Variants in NPR2 observed in about 807,000 individuals in gnomAD.
NPR2 encodes natriuretic peptide receptor 2.
Under a neutral mutation model 120.7 loss-of-function variants are expected in NPR2, and 49 were observed. The ratio of observed to expected loss-of-function variants is 0.41; its 90% CI spans 0.32 to 0.52. The LOEUF is 0.52. Among genes scored for constraint, NPR2 ranks in the 20% least tolerant of loss-of-function variants. The pLI, the probability that NPR2 is intolerant of heterozygous loss-of-function variation, is 0.36. For synonymous variants in NPR2, 484 were observed against 519.8 expected, an observed-to-expected ratio of 0.93 and a Z score of 0.94; for missense variants, 931 against 1,362.9, an observed-to-expected ratio of 0.68 and a Z score of 4.99.
chr9:35,806,351 CAGAATCTTA>C lies in NPR2; in HGVS notation c.2373-40_2373-32del. The C allele has an allele frequency of 6.2e-7, 1 of 1,612,720 alleles. No homozygotes were observed. The highest frequency in any genetic ancestry group is 1.3e-5 in the African/African-American group (1 of 74,966). On this transcript the variant is annotated intron_variant, in intron 15 of 21. Transcript: ENST00000342694. This position sits in a 1 kb window ranked among gnomAD's most constrained non-coding sequence, Gnocchi z 4.6. ...TTGGATAGGAAGTCCTGGGAATCTT[CAGAATCTTA>C]GAGCAAGTGCCTTATCCTGGCCTCC...
chr9:35,793,446 C>T (rs772028305), intron 1 of NPR2, among the ~76,000 whole-genome samples: 3 of 152,116 alleles, frequency 2.0e-5, no homozygotes, highest in Non-Finnish European at 2.9e-5. Context: ...CCAGACTGGG[C>T]GCCAAGACCC....
rs185890146 is a variant in NPR2, at chr9:35,808,387, T to C, written c.2713-122T>C. Reference sequence around the variant, plus strand: ...CAGGACCATGGCACTTATTTTCTAGTCAATATTCTGGTCTCCAGCATGTCA... The same window carrying C: ...CAGGACCATGGCACTTATTTTCTAGCCAATATTCTGGTCTCCAGCATGTCA... On this transcript the variant is annotated intron_variant, in intron 18 of 21. Transcript: ENST00000342694. This position sits in a 1 kb window ranked among gnomAD's most constrained non-coding sequence, Gnocchi z 4.0. 2.9e-6 allele frequency: 4 copies of C among 1,400,014 alleles called. No homozygotes were observed. In the African/African-American group the frequency reaches 5.7e-5, roughly 20 times the overall value. 86.7% of individuals were successfully genotyped at this position (1,400,014 alleles called of 1,614,324 possible). A position where few individuals can be genotyped will look rare whatever the true frequency, so the allele number is the denominator to read the frequency against.
At chr9:35,803,593 A>G (rs544991518) in intron 12 of NPR2, among the ~76,000 whole-genome samples, 1 of 152,356 alleles carries the variant, frequency 6.6e-6, no homozygotes, top group Non-Finnish European at 1.5e-5. Flanking sequence ...GATTGTACTA[A>G]AAACCTTTGG....
At position 35,806,922 on chromosome 9, in the gene NPR2, T is replaced by C; in HGVS notation, c.2520-101T>C. ...CCCTCCCACCTGAAAAGCCTAGCTTTCTTGTTACAGCTCATCTCTGCTGCA... is the reference window on the plus strand; with the variant it reads ...CCCTCCCACCTGAAAAGCCTAGCTTCCTTGTTACAGCTCATCTCTGCTGCA... On this transcript the variant is annotated intron_variant, in intron 16 of 21. Coordinates refer to ENST00000342694, the MANE Select transcript of NPR2 (RefSeq NM_003995.4). The surrounding 1 kb of genome is among the most constrained non-coding windows in gnomAD (Gnocchi z 4.6). 3 of 1,356,766 alleles carry C rather than the reference T, an allele frequency of 2.2e-6. No individual in the cohort carries two copies. Among genetic ancestry groups the C allele is most frequent in the Non-Finnish European group, 3.1e-6 (3 of 961,966 alleles). 84.0% of individuals were successfully genotyped at this position (1,356,766 alleles called of 1,614,324 possible).
chr9:35,806,134 A>G lies in NPR2; in HGVS notation c.2273A>G (p.Asn758Ser). ...CCAAGCATTGACCGGACCCAACTGA[A>G]TGAAGAGCTAGTTTTGCTGATGGAG... ...FRPSIDRTQL[N>S]EELVLLMERC... Residue 758 changes from asparagine (N) to serine (S), a missense_variant, in exon 15 of 22, where the codon AAT (asparagine) becomes AGT (serine). Physicochemically the swap from Asn to Ser is conservative, Grantham distance 46. Transcript: ENST00000342694. The surrounding 1 kb of genome is among the most constrained non-coding windows in gnomAD (Gnocchi z 4.6). 6.2e-7 allele frequency: 1 copy of G among 1,614,196 alleles called. No individual in the cohort carries two copies. The highest frequency in any genetic ancestry group is 1.1e-5 in the South Asian group (1 of 91,088).
rs1563995400 is a variant in NPR2 at position 35,809,638 on chromosome 9, G to A, written c.*193G>A. On this transcript the variant is annotated 3_prime_UTR_variant, in exon 22 of 22. Transcript: ENST00000342694. This position sits in a 1 kb window ranked among gnomAD's most constrained non-coding sequence, Gnocchi z 4.1. The stretch of plus-strand genomic sequence containing the variant: ...ACATATACCTGTCCCTCTCTGGCTT[G>A]GTCCCCTTCCTCCCTACTTTCTGTA... 3.6e-6 allele frequency: 4 copies of A among 1,115,366 alleles called. No individual in the cohort carries two copies. In the South Asian group the frequency reaches 5.0e-5, roughly 14 times the overall value. 69.1% of individuals were successfully genotyped at this position (1,115,366 alleles called of 1,614,324 possible).
rs1828363488 is a variant in NPR2, at chr9:35,806,029, A to T, written c.2204-36A>T. The T allele has an allele frequency of 7.4e-6, 12 of 1,613,990 alleles. No homozygotes were observed. The highest frequency in any genetic ancestry group is 1.7e-5 in the Admixed American group (1 of 60,006). Reference sequence around the variant, plus strand: ...CCCACAGCCTCTTCTTCCTGGGGGAACTCTGTTCTTCATCCAAACCTTTGA... The same window carrying T: ...CCCACAGCCTCTTCTTCCTGGGGGATCTCTGTTCTTCATCCAAACCTTTGA... On this transcript the variant is annotated intron_variant, in intron 14 of 21. Transcript: ENST00000342694. This position sits in a 1 kb window ranked among gnomAD's most constrained non-coding sequence, Gnocchi z 4.6.
intron 1 of NPR2, among the ~76,000 whole-genome samples, chr9:35,793,461 G>T (rs1403029790): frequency 1.3e-5 from 2 of 152,134 alleles, no homozygotes; most frequent in African/African-American, 4.8e-5. Context: ...AGACCCCTTG[G>T]TGGTGTAAAA....
In NPR2 at chr9:35,792,193, T is replaced by A; in HGVS notation, c.-216T>A. ...CGTTCTCAGTCCTCAGTCCTTGCCC[T>A]AGGCTGGTAGCCCACTCCTTGCCCG... On this transcript the variant is annotated 5_prime_UTR_variant, in exon 1 of 22. Transcript: ENST00000342694. 13 of 350,806 alleles carry A rather than the reference T, an allele frequency of 3.7e-5. No individual in the cohort carries two copies. Among genetic ancestry groups the A allele is most frequent in the Non-Finnish European group, 4.8e-5 (9 of 187,952 alleles). 21.7% of individuals were successfully genotyped at this position (350,806 alleles called of 1,614,324 possible).
intron 3 of NPR2, 130 bp from the exon 4 acceptor site, chr9:35,799,892 G>T (rs1828079435): frequency 6.8e-7 from 1 of 1,463,706 alleles, no homozygotes. Context: ...AGTTAGGAAG[G>T]GATGGCACTT....
In NPR2 at chr9:35,801,149, T is replaced by A. The variant is rs753763618; in HGVS notation, c.1431T>A (p.Ile477=). Residue 477 remains isoleucine (I), a synonymous_variant, in exon 7 of 22, where the codon ATT becomes ATA. Transcript: ENST00000342694. ...FIMFGVSSFL[I]FRKLMLEKEL... ...TGTTTGGTGTTTCCAGCTTCCTAAT[T>A]TTCCGGTGAGTTCTGGGTTTCTTGC... is the stretch of plus-strand genomic sequence containing the variant. 1.9e-6 allele frequency: 3 copies of A among 1,613,340 alleles called. No homozygotes were observed. The highest frequency in any genetic ancestry group is 2.5e-6 in the Non-Finnish European group (3 of 1,179,236).
Position 35,808,226 on chromosome 9 carries a change from G to A in NPR2, c.2713-283G>A, listed in dbSNP as rs774490885. The A allele has an allele frequency of 6.2e-7, 1 of 1,614,122 alleles. No individual in the cohort carries two copies. The highest frequency in any genetic ancestry group is 2.2e-5 in the East Asian group (1 of 44,882). On this transcript the variant is annotated intron_variant, in intron 18 of 21. Transcript: ENST00000342694. This position sits in a 1 kb window ranked among gnomAD's most constrained non-coding sequence, Gnocchi z 4.0. ...GTTTTCTTGCTTCCCATTTCCTGATGGCAGAGCCTATTTGTCCATGTCCTG... is the reference window on the plus strand; with the variant it reads ...GTTTTCTTGCTTCCCATTTCCTGATAGCAGAGCCTATTTGTCCATGTCCTG...
At position 35,806,263 on chromosome 9, in the gene NPR2, C is replaced by A; in HGVS notation, c.2372+30C>A. 6.2e-7 allele frequency: 1 copy of A among 1,613,790 alleles called. No homozygotes were observed. The highest frequency in any genetic ancestry group is 1.1e-5 in the South Asian group (1 of 91,072). ...GAGGGCATTATGGGGCAGGGGCTTC[C>A]CAGGGATAGAAGACTCATTAGTCCT... is the stretch of plus-strand genomic sequence containing the variant. On this transcript the variant is annotated intron_variant, in intron 15 of 21. Coordinates refer to ENST00000342694, the MANE Select transcript of NPR2 (RefSeq NM_003995.4). This position sits in a 1 kb window ranked among gnomAD's most constrained non-coding sequence, Gnocchi z 4.6.
At chr9:35,793,438 A>G (rs1348990743) in intron 1 of NPR2, among the ~76,000 whole-genome samples, 1 of 152,218 alleles carries the variant, frequency 6.6e-6, no homozygotes, top group Admixed American at 6.5e-5. Flanking sequence ...GCTACCACCC[A>G]GACTGGGCGC....
chr9:35,793,038 C>G lies in NPR2; in HGVS notation c.630C>G (p.Pro210=), dbSNP rs911352449. 4 of 1,605,576 alleles carry G rather than the reference C, an allele frequency of 2.5e-6. No individual in the cohort carries two copies. The highest frequency in any genetic ancestry group is 3.4e-6 in the Non-Finnish European group (4 of 1,176,108). ...HQVYAREPGG[P]EQATHFIRAN... The stretch of plus-strand genomic sequence containing the variant: ...TGTATGCCCGAGAGCCAGGGGGCCC[C>G]GAGCAGGCCACCCACTTCATCCGGG... Residue 210 remains proline, a synonymous_variant, in exon 1 of 22, where the codon CCC becomes CCG. Coordinates refer to ENST00000342694, the MANE Select transcript of NPR2 (RefSeq NM_003995.4).
In NPR2 at chr9:35,807,077, C is replaced by CA. The variant is rs1828433909; in HGVS notation, c.2575dup (p.Ser859LysfsTer8). 1 of 1,607,398 alleles carries CA rather than the reference C, an allele frequency of 6.2e-7. No homozygotes were observed. Among genetic ancestry groups the CA allele is most frequent in the African/African-American group, 1.4e-5 (1 of 73,996 alleles). On this transcript the variant is annotated frameshift_variant, in exon 17 of 22. Transcript: ENST00000342694. LOFTEE classifies it high-confidence loss of function. ...AGACTGTACAGGCTGAGGCCTTTGACAGTGTTACCATCTACTTCAGTGACA... is the reference window on the plus strand; with the variant it reads ...AGACTGTACAGGCTGAGGCCTTTGACAAGTGTTACCATCTACTTCAGTGACA...
In NPR2 at chr9:35,808,768, T is replaced by G. The variant is rs539452309; in HGVS notation, c.2901T>G (p.Ala967=). The G allele has an allele frequency of 1.6e-4, 256 of 1,613,664 alleles. 3 individuals carry two copies. In the South Asian group the frequency reaches 2.8e-3, roughly 18 times the overall value. ...TTCTTCTCAAAGGGCCAGTCTGTGC[T>G]GGGGTTGTTGGCCTGAAGATGCCCC... ...RIGVHTGPVC[A]GVVGLKMPRY... The change falls in exon 20 of 22, where the codon GCT becomes GCG. Residue 967 remains alanine, a synonymous_variant. Transcript: ENST00000342694. This position sits in a 1 kb window ranked among gnomAD's most constrained non-coding sequence, Gnocchi z 4.0.
intron 18 of NPR2, 76 bp downstream of exon 18, chr9:35,807,474 C>A: frequency 8.5e-7 from 1 of 1,172,960 alleles, no homozygotes; most frequent in South Asian, 1.2e-5. Context: ...CCCTGAACCC[C>A]ACACACCTTA....
At chr9:35,797,262 A>G (rs913515154) in intron 2 of NPR2, among the ~76,000 whole-genome samples, 3 of 152,176 alleles carry the variant, frequency 2.0e-5, no homozygotes, top group Non-Finnish European at 4.4e-5. Context: ...GTGATCAACC[A>G]GGATAGGGAA....
Sources: allele counts gnomAD v4.1 joint callset (sites outside exome capture counted in the v4.1 genomes callset), GRCh38; gene constraint gnomAD v4.1.1; non-coding constraint Gnocchi (gnomAD v3.1); transcripts MANE v1.5; gene names NCBI Gene and HGNC (gene_info 2026-07-23, HGNC 2026-07-21).